FAM185A: variants seen among roughly 807,000 people sequenced by gnomAD.
The protein encoded by FAM185A is family with sequence similarity 185 member A.
In FAM185A, 21 loss-of-function variants were observed where a neutral mutation model predicts 45.7. The observed-to-expected ratio is 0.46, with a 90% CI of 0.33 to 0.66. The LOEUF is 0.66. Ranked by LOEUF, FAM185A falls within the 30% of genes least tolerant of loss-of-function variation. The pLI, the probability that FAM185A is intolerant of heterozygous loss-of-function variation, is 0.03. For missense variants in FAM185A, 305 were observed against 485.4 expected (o/e 0.63, Z 3.49); for synonymous variants, 117 against 194.0 (o/e 0.60, Z 3.30).
chr7:102,801,793 C>T (rs1031525819), intron 7 of FAM185A, among the ~76,000 whole-genome samples: 18 of 151,906 alleles, frequency 1.2e-4, no homozygotes, highest in Admixed American at 5.9e-4. Flanking sequence ...GGCGTGGTGG[C>T]GGGCACCTGT....
chr7:102,764,785 T>C (rs1307314185), intron 4 of FAM185A, among the ~76,000 whole-genome samples: 1 of 151,818 alleles, frequency 6.6e-6, no homozygotes, highest in East Asian at 1.9e-4. Flanking sequence ...AGCTTCTTTT[T>C]TCTTAAGCAA....
chr7:102,756,365 A>T (rs1361044306), intron 2 of FAM185A, among the ~76,000 whole-genome samples: 1 of 152,226 alleles, frequency 6.6e-6, no homozygotes, highest in Non-Finnish European at 1.5e-5. Context: ...CTCTAAAAAA[A>T]AATCAGACTA....
At chr7:102,826,582 A>G in the FAM185A span, among the ~76,000 whole-genome samples, 6 of 150,798 alleles carry the variant, frequency 4.0e-5, no homozygotes, top group African/African-American at 1.5e-4. Context: ...CAAAAAATAC[A>G]AAAATTAGCT....
chr7:102,841,317 T>G, the FAM185A span, among the ~76,000 whole-genome samples: 1 of 152,112 alleles, frequency 6.6e-6, no homozygotes, highest in Non-Finnish European at 1.5e-5. Flanking sequence ...AGGGGCAGCT[T>G]AAAGAGTGGG....
At chr7:102,800,167 G>A (rs1366404919) in intron 7 of FAM185A, among the ~76,000 whole-genome samples, 4 of 152,180 alleles carry the variant, frequency 2.6e-5, no homozygotes, top group Admixed American at 2.0e-4. Context: ...ACCACAGCTC[G>A]GCTCTCAGGA....
chr7:102,848,273 G>GGATATTATATAAATGTATTTATATT, the FAM185A span, among the ~76,000 whole-genome samples: 2 of 116,170 alleles, frequency 1.7e-5, no homozygotes, highest in East Asian at 3.0e-4. Context: ...ATACACATTC[G>GGATATTATATAAATGTATTTATATT]AGGCCGGGCG....
chr7:102,757,045 A>G (rs959984500), intron 2 of FAM185A, among the ~76,000 whole-genome samples: 2 of 150,336 alleles, frequency 1.3e-5, no homozygotes, highest in Admixed American at 6.6e-5. Context: ...AGTGTTTGCC[A>G]TAGTTCTCAA....
In FAM185A at chr7:102,803,381, G is replaced by T. The variant is rs550832120; in HGVS notation, c.1067-4909G>T. On this transcript the variant is annotated intron_variant, in intron 7 of 7. Transcript: ENST00000413034. ...GGGATGGAGGGATGGTTTAACATATGCAAGTCAATAAATGTGATACACCAC... is the reference window on the plus strand; with the variant it reads ...GGGATGGAGGGATGGTTTAACATATTCAAGTCAATAAATGTGATACACCAC... Among the ~76,000 whole-genome samples, 3 of 152,232 alleles carry T rather than the reference G, an allele frequency of 2.0e-5. No individual in the cohort carries two copies. In the South Asian group the frequency reaches 6.2e-4, roughly 32 times the overall value.
At chr7:102,804,859 A>G (rs1797015776) in intron 7 of FAM185A, among the ~76,000 whole-genome samples, 1 of 152,238 alleles carries the variant, frequency 6.6e-6, no homozygotes, top group Non-Finnish European at 1.5e-5. Context: ...CCCATCAAAA[A>G]GTGGCCTAAG....
chr7:102,782,290 A>G (rs1795461697), intron 6 of FAM185A, among the ~76,000 whole-genome samples: 1 of 152,226 alleles, frequency 6.6e-6, no homozygotes, highest in African/African-American at 2.4e-5. Flanking sequence ...GATTGAGGAA[A>G]TACAGAGAAT....
the FAM185A span, among the ~76,000 whole-genome samples, chr7:102,846,096 A>G: frequency 6.6e-6 from 1 of 152,356 alleles, no homozygotes; most frequent in East Asian, 1.9e-4. Context: ...AGTGCCTGAC[A>G]TGTAGTAAGG....
chr7:102,760,672 T>G (rs1236120137), intron 3 of FAM185A, among the ~76,000 whole-genome samples: 2 of 152,140 alleles, frequency 1.3e-5, no homozygotes, highest in African/African-American at 4.8e-5. Context: ...AAGACAAGGA[T>G]GCCTGCTGTC....
At chr7:102,834,120 A>T in the FAM185A span, among the ~76,000 whole-genome samples, 1 of 114,422 alleles carries the variant, frequency 8.7e-6, no homozygotes, top group Admixed American at 7.8e-5. Flanking sequence ...GAAAGAAAGA[A>T]AGAAAGAAAG....
intron 7 of FAM185A, among the ~76,000 whole-genome samples, chr7:102,793,360 C>T (rs1477873344): frequency 1.3e-5 from 2 of 151,998 alleles, no homozygotes; most frequent in Non-Finnish European, 1.5e-5. Flanking sequence ...TACAGGCGCC[C>T]GCCACCATGC....
At chr7:102,751,045 CTGGGA>C in intron 1 of FAM185A, among the ~76,000 whole-genome samples, 1 of 152,292 alleles carries the variant, frequency 6.6e-6, no homozygotes, top group East Asian at 1.9e-4. Flanking sequence ...TCCTGAGTAG[CTGGGA>C]CTACAGGTGC....
the FAM185A span, among the ~76,000 whole-genome samples, chr7:102,828,064 G>A: frequency 4.6e-5 from 7 of 152,192 alleles, no homozygotes; most frequent in South Asian, 2.1e-4. Flanking sequence ...TTGGCAATGC[G>A]GGCTCTTTTT....
At chr7:102,838,979 TTGAGA>T in the FAM185A span, among the ~76,000 whole-genome samples, 1 of 152,144 alleles carries the variant, frequency 6.6e-6, no homozygotes, top group Non-Finnish European at 1.5e-5. Context: ...CCTCTTGCAG[TTGAGA>T]TAAGAGGAAG....
At chr7:102,827,390 C>G in the FAM185A span, among the ~76,000 whole-genome samples, 2 of 152,166 alleles carry the variant, frequency 1.3e-5, no homozygotes, top group African/African-American at 4.8e-5. Context: ...TCCTGGCCCA[C>G]AGGTTTGTGA....
At chr7:102,846,033 TA>T in the FAM185A span, among the ~76,000 whole-genome samples, 1 of 152,302 alleles carries the variant, frequency 6.6e-6, no homozygotes, top group African/African-American at 2.4e-5. Context: ...AAAATGGAAT[TA>T]AAAGTATTGC....
Sources: gnomAD v4.1 joint callset for allele counts (sites outside exome capture counted in the v4.1 genomes callset) on GRCh38, gnomAD v4.1.1 for gene constraint, MANE v1.5 for transcripts, NCBI Gene and HGNC (gene_info 2026-07-23, HGNC 2026-07-21) for gene names.